Variants in MID1 observed in about 807,000 individuals in gnomAD.
MID1 encodes the protein midline 1.
A neutral mutation model predicts 40.4 loss-of-function variants in MID1; 7 were observed. The observed-to-expected ratio is 0.17, with a 90% CI of 0.10 to 0.33. MID1 has a LOEUF of 0.33. Among genes scored for constraint, MID1 ranks in the 10% least tolerant of loss-of-function variants. The probability of loss-of-function intolerance (pLI) is 1.00; values close to 1 mark genes in which losing one functional copy is unlikely to be tolerated. For synonymous variants in MID1, 229 were observed against 221.2 expected (o/e 1.04, Z -0.31); for missense variants, 367 against 558.5 (o/e 0.66, Z 3.46).
chrX:10,487,241 T>A (rs1420011908), intron 4 of MID1, among the ~76,000 whole-genome samples: 2 of 111,386 alleles, frequency 1.8e-5, no homozygotes, highest in Non-Finnish European at 3.8e-5. Context: ...GAAAAGACCC[T>A]CTCAAATTTA....
chrX:10,745,274 T>G (rs1340104035), intron 1 of MID1, among the ~76,000 whole-genome samples: 1 of 112,216 alleles, frequency 8.9e-6, no homozygotes, highest in African/African-American at 3.2e-5. Flanking sequence ...TGGGGAAGAA[T>G]CATTCTTCCT....
chrX:10,474,930 T>TA (rs761854007), intron 5 of MID1, 180 bp from the exon 6 acceptor site: 15 of 497,823 alleles, frequency 3.0e-5, no homozygotes, highest in African/African-American at 6.9e-5. Context: ...ATGCAAGCTT[T>TA]AAAAAAAAGT....
chrX:10,637,034 C>T (rs1240675499), intron 1 of MID1, among the ~76,000 whole-genome samples: 1 of 106,150 alleles, frequency 9.4e-6, no homozygotes, highest in Non-Finnish European at 1.9e-5. Context: ...GTATGTTCCC[C>T]ATTGAACCAT....
chrX:10,579,036 A>C (rs916655440), intron 1 of MID1, among the ~76,000 whole-genome samples: 2 of 112,411 alleles, frequency 1.8e-5, no homozygotes, highest in Admixed American at 9.4e-5. Flanking sequence ...ATACAAAAGC[A>C]CCTTTTCAGA....
chrX:10,672,196 A>G (rs12396250), intron 1 of MID1, among the ~76,000 whole-genome samples: 17,194 of 109,377 alleles, frequency 0.16, 2,308 homozygotes, highest in African/African-American at 0.44. Context: ...CTGCACTCCA[A>G]TCTGGGTGAC....
chrX:10,533,247 C>G (rs934769531), intron 2 of MID1, among the ~76,000 whole-genome samples: 2 of 107,433 alleles, frequency 1.9e-5, no homozygotes, highest in African/African-American at 3.4e-5. Context: ...TATCTGCTAT[C>G]TGGCCATTTG....
intron 7 of MID1, among the ~76,000 whole-genome samples, chrX:10,467,984 C>T (rs774582586): frequency 1.8e-5 from 2 of 111,540 alleles, no homozygotes; most frequent in African/African-American, 6.5e-5. Context: ...CCTTAACTTG[C>T]TAAAATGCAC....
At chrX:10,669,991 G>A (rs758112792) in intron 1 of MID1, among the ~76,000 whole-genome samples, 1 of 111,798 alleles carries the variant, frequency 8.9e-6, no homozygotes, top group African/African-American at 3.2e-5. Context: ...TAGGTTAAAG[G>A]ACATGGGAGC....
intron 2 of MID1, among the ~76,000 whole-genome samples, chrX:10,537,082 T>G (rs1462803651): frequency 1.8e-5 from 2 of 111,286 alleles, no homozygotes; most frequent in Non-Finnish European, 3.8e-5. Flanking sequence ...CTAATAAAAA[T>G]GAAGATAGAA....
chrX:10,634,377 G>C (rs1322647151), intron 1 of MID1, among the ~76,000 whole-genome samples: 2 of 111,601 alleles, frequency 1.8e-5, no homozygotes, highest in African/African-American at 6.5e-5. Context: ...AAGTTGTAAA[G>C]TTTTTAAAAA....
At chrX:10,469,908 G>T (rs762865932) in intron 6 of MID1, 68 bp from the exon 7 acceptor site, 2 of 1,065,221 alleles carry the variant, frequency 1.9e-6, no homozygotes, top group South Asian at 3.8e-5. Flanking sequence ...CAGAGGAGAT[G>T]TTTGACAGTT....
In MID1 at chrX:10,599,252, C is replaced by CT. The variant is rs763952055; in HGVS notation, c.-57+21037dup. ...CCTCTACCACCTGGCTTATTTAGTGCTTAGCATCTTCTCCAAGTCAAGCAT... is the reference window on the plus strand; with the variant it reads ...CCTCTACCACCTGGCTTATTTAGTGCTTTAGCATCTTCTCCAAGTCAAGCAT... On this transcript the variant is annotated intron_variant, in intron 1 of 9. Transcript: ENST00000317552. Among the ~76,000 whole-genome samples, 21 of 112,159 alleles carry CT rather than the reference C, an allele frequency of 1.9e-4. No homozygotes were observed. The South Asian group carries it at 7.5e-3, about 40-fold the overall frequency.
At chrX:10,777,809 T>C (rs890521835) in intron 1 of MID1, among the ~76,000 whole-genome samples, 3 of 112,013 alleles carry the variant, frequency 2.7e-5, no homozygotes, top group Non-Finnish European at 5.6e-5. Context: ...AAATCTATTC[T>C]TTTTAACTTT....
rs2043031438 is a variant in MID1, at chrX:10,677,655, C to T, written c.-186-57236G>A. ...TTTGAAACAAAATGAATCAGCTTCA[C>T]ACCACCAGCTCCACTACATACTAAC... On this transcript the variant is annotated intron_variant, in intron 1 of 10. Transcript: ENST00000380785. 3 of 112,757 alleles carry T rather than the reference C, an allele frequency of 2.7e-5. No individual in the cohort carries two copies. The Admixed American group carries it at 2.8e-4, about 11-fold the overall frequency. The allele number at this position is 112,757 out of a possible 1,213,427, so 9.3% of individuals were successfully genotyped here. A position where few individuals can be genotyped will look rare whatever the true frequency, so the allele number is the denominator to read the frequency against.
chrX:10,571,180 T>C (rs1224137900), intron 1 of MID1, among the ~76,000 whole-genome samples: 1 of 112,598 alleles, frequency 8.9e-6, no homozygotes, highest in Admixed American at 9.4e-5. Context: ...GTGTCTGTAC[T>C]GTAAATGGTT....
chrX:10,786,041 T>C (rs1290501024), intron 1 of MID1, among the ~76,000 whole-genome samples: 1 of 111,398 alleles, frequency 9.0e-6, no homozygotes, highest in Non-Finnish European at 1.9e-5. Context: ...ACCTACAGAA[T>C]GGGAGAAAAT....
At chrX:10,463,188 A>AAAAT (rs201941633) in intron 7 of MID1, among the ~76,000 whole-genome samples, 3,211 of 112,517 alleles carry the variant, frequency 0.029, 102 homozygotes, top group African/African-American at 0.099. Flanking sequence ...ACAAAAATAA[A>AAAAT]AAATAAAAAT....
chrX:10,686,286 C>T lies in MID1; in HGVS notation c.-186-65867G>A, dbSNP rs765113032. ...GGCAGGGGGCTGTGTCTAAGGGGTT[C>T]GGGGTCAATGGATTAGGTTCCACCT... On this transcript the variant is annotated intron_variant, in intron 1 of 10. Transcript: ENST00000380785. Among the ~76,000 whole-genome samples, 191 of 110,709 alleles carry T rather than the reference C, an allele frequency of 1.7e-3. 2 individuals are homozygous for T. The highest frequency in any genetic ancestry group is 6.1e-3 in the African/African-American group (184 of 30,371).
At chrX:10,585,706 T>C (rs1240171970) in intron 1 of MID1, among the ~76,000 whole-genome samples, 1 of 111,520 alleles carries the variant, frequency 9.0e-6, no homozygotes, top group Non-Finnish European at 1.9e-5. Context: ...GGGCCACTTT[T>C]CCCTTGCTGA....
Sources: gnomAD v4.1 joint callset for allele counts (sites outside exome capture counted in the v4.1 genomes callset) on GRCh38, gnomAD v4.1.1 for gene constraint, MANE v1.5 for transcripts, NCBI Gene and HGNC (gene_info 2026-07-23, HGNC 2026-07-21) for gene names.